Variants in PTPRD observed in about 807,000 individuals in gnomAD.
The protein encoded by PTPRD is receptor-type tyrosine-protein phosphatase delta.
In PTPRD, 34 loss-of-function variants were observed where a neutral mutation model predicts 214.5. The ratio of observed to expected loss-of-function variants is 0.16; its 90% CI spans 0.12 to 0.21. PTPRD has a LOEUF of 0.21. PTPRD is among the 10% of genes least tolerant of loss of function. The probability of loss-of-function intolerance (pLI) is 1.00; values close to 1 mark genes in which losing one functional copy is unlikely to be tolerated. For synonymous variants in PTPRD, 1,128 were observed against 845.7 expected (o/e 1.33, Z -5.79); for missense variants, 2,545 against 2,398.7 (o/e 1.06, Z -1.27).
intron 9 of PTPRD, among the ~76,000 whole-genome samples, chr9:9,198,616 A>T (rs576843043): frequency 1.3e-5 from 2 of 152,170 alleles, no homozygotes; most frequent in Non-Finnish European, 2.9e-5. Context: ...TGGCATTTCA[A>T]TGTGCTGGAT....
At chr9:10,361,153 A>C (rs73402263) in intron 2 of PTPRD, among the ~76,000 whole-genome samples, 24,984 of 152,162 alleles carry the variant, frequency 0.16, 2,625 homozygotes, top group East Asian at 0.45. Flanking sequence ...CCTTATTTTG[A>C]AAGTCAAAAA....
intron 12 of PTPRD, among the ~76,000 whole-genome samples, chr9:8,639,123 G>A (rs1363298542): frequency 1.3e-5 from 2 of 152,200 alleles, no homozygotes; most frequent in Non-Finnish European, 2.9e-5. Flanking sequence ...TTACAGGCGT[G>A]AGCCACCACG....
intron 11 of PTPRD, among the ~76,000 whole-genome samples, chr9:8,854,304 A>G (rs1343179663): frequency 6.6e-6 from 1 of 152,184 alleles, no homozygotes; most frequent in African/African-American, 2.4e-5. Context: ...CAATGAAACT[A>G]AAGAAGGGTT....
intron 11 of PTPRD, among the ~76,000 whole-genome samples, chr9:8,823,584 G>T (rs1049466966): frequency 1.3e-5 from 2 of 151,986 alleles, no homozygotes; most frequent in African/African-American, 4.8e-5. Context: ...CAGGGAGGTC[G>T]AGACTGCAGT....
chr9:9,200,657 T>A (rs899801078), intron 9 of PTPRD, among the ~76,000 whole-genome samples: 2 of 152,190 alleles, frequency 1.3e-5, no homozygotes, highest in Non-Finnish European at 2.9e-5. Context: ...GCAAAACAAT[T>A]GTAAATCCTT....
chr9:10,251,141 A>C (rs2092721330), intron 3 of PTPRD, among the ~76,000 whole-genome samples: 2 of 152,142 alleles, frequency 1.3e-5, no homozygotes, highest in African/African-American at 4.8e-5. Flanking sequence ...ACATCCTATT[A>C]ATTAAATAAC....
At chr9:9,845,091 G>C (rs1168634173) in intron 5 of PTPRD, among the ~76,000 whole-genome samples, 1 of 92,198 alleles carries the variant, frequency 1.1e-5, no homozygotes, top group African/African-American at 3.8e-5. Flanking sequence ...TATATATATA[G>C]CTATATATAT....
At chr9:9,187,007 A>G (rs1368646156) in intron 9 of PTPRD, among the ~76,000 whole-genome samples, 1 of 151,404 alleles carries the variant, frequency 6.6e-6, no homozygotes, top group Admixed American at 6.6e-5. Flanking sequence ...AAATATAATA[A>G]TTAAAACATT....
At chr9:9,726,148 G>C (rs1255950284) in intron 7 of PTPRD, among the ~76,000 whole-genome samples, 1 of 152,076 alleles carries the variant, frequency 6.6e-6, no homozygotes, top group Non-Finnish European at 1.5e-5. Flanking sequence ...CCAAGAAAAT[G>C]TTATCCCATA....
intron 11 of PTPRD, among the ~76,000 whole-genome samples, chr9:8,774,660 G>A (rs936960662): frequency 2.0e-5 from 3 of 148,496 alleles, no homozygotes; most frequent in South Asian, 2.2e-4. Flanking sequence ...TCAGCCTCCC[G>A]AGTAGCTGGG....
chr9:9,586,796 T>C (rs1425568371), intron 7 of PTPRD, among the ~76,000 whole-genome samples: 4 of 152,004 alleles, frequency 2.6e-5, no homozygotes, highest in Non-Finnish European at 5.9e-5. Flanking sequence ...AAAAAAGAGA[T>C]ATATCACTTT....
intron 7 of PTPRD, among the ~76,000 whole-genome samples, chr9:9,709,406 C>A (rs1353115540): frequency 6.6e-6 from 1 of 151,902 alleles, no homozygotes; most frequent in Non-Finnish European, 1.5e-5. Flanking sequence ...GTGGTAAAGA[C>A]ATACATGTTA....
chr9:8,341,157 A>G lies in PTPRD; in HGVS notation c.5059T>C (p.Cys1687Arg). The change falls in exon 41 of 46, where the codon TGC becomes CGC. Residue 1687 changes from cysteine (C) to arginine (R), a missense_variant. By Grantham distance (180) the Cys-to-Arg change is radical. Transcript: ENST00000381196. ...TCTACTCCACGGATAGGCTGCAGGC[A>G]TACCCTTGTGGATTCATATGGCATA... is the stretch of plus-strand genomic sequence containing the variant. ...NIMPYESTRV[C>R]LQPIRGVEGS... 1 of 1,613,330 alleles carries G rather than the reference A, an allele frequency of 6.2e-7. No homozygotes were observed. The highest frequency in any genetic ancestry group is 8.5e-7 in the Non-Finnish European group (1 of 1,179,528).
At chr9:10,103,742 A>G (rs1345492984) in intron 3 of PTPRD, among the ~76,000 whole-genome samples, 1 of 151,424 alleles carries the variant, frequency 6.6e-6, no homozygotes, top group Non-Finnish European at 1.5e-5. Context: ...TTATCCTTAC[A>G]GGCAGCAGAG....
Position 8,325,799 on chromosome 9 carries a change from C to T in PTPRD, c.5534+5783G>A, listed in dbSNP as rs558550957. 2.7e-5 allele frequency among the ~76,000 whole-genome samples: 3 copies of T among 111,348 alleles called. No homozygotes were observed. The East Asian group carries it at 7.4e-4, about 28-fold the overall frequency. The allele number at this position is 111,348 out of a possible 152,430, so 73.0% of individuals were successfully genotyped here. On this transcript the variant is annotated intron_variant, in intron 44 of 45. Coordinates refer to ENST00000381196, the MANE Select transcript of PTPRD (RefSeq NM_002839.4). ...TCTCCTTGAAGAGGTCCTTCACATTCCTTGTTAAGTTGGACTCCTAGGTAT... is the reference window on the plus strand; with the variant it reads ...TCTCCTTGAAGAGGTCCTTCACATTTCTTGTTAAGTTGGACTCCTAGGTAT...
At chr9:8,367,581 ATATAAT>A (rs2080275190) in intron 39 of PTPRD, among the ~76,000 whole-genome samples, 1 of 152,204 alleles carries the variant, frequency 6.6e-6, no homozygotes, top group Non-Finnish European at 1.5e-5. Flanking sequence ...TAGTGCAATG[ATATAAT>A]TATAACAGTA....
rs565714308 is a variant in PTPRD, at chr9:10,456,276, T to C, written c.-599-115259A>G. Among the ~76,000 whole-genome samples, 6 of 152,076 alleles carry C rather than the reference T, an allele frequency of 3.9e-5. No homozygotes were observed. The South Asian group carries it at 1.2e-3, about 32-fold the overall frequency. The stretch of plus-strand genomic sequence containing the variant: ...CTGTTTTGAAATACCATTTCATAGC[T>C]ATCATTGTTTAAAAACCTGATAATA... On this transcript the variant is annotated intron_variant, in intron 2 of 45. Coordinates refer to ENST00000381196, the MANE Select transcript of PTPRD (RefSeq NM_002839.4).
At chr9:10,283,472 T>G (rs143472019) in intron 3 of PTPRD, among the ~76,000 whole-genome samples, 1 of 152,212 alleles carries the variant, frequency 6.6e-6, no homozygotes, top group Non-Finnish European at 1.5e-5. Context: ...AAAGATTAAA[T>G]TGTCTCTTTG....
chr9:8,949,385 A>T (rs944422137), intron 11 of PTPRD, among the ~76,000 whole-genome samples: 1 of 152,140 alleles, frequency 6.6e-6, no homozygotes, highest in African/African-American at 2.4e-5. Flanking sequence ...TTTCACTTAC[A>T]TGAACACAGT....
Sources: allele counts gnomAD v4.1 joint callset (sites outside exome capture counted in the v4.1 genomes callset), GRCh38; gene constraint gnomAD v4.1.1; transcripts MANE v1.5; gene names NCBI Gene and HGNC (gene_info 2026-07-23, HGNC 2026-07-21).